Variants in CLDN10 observed in about 807,000 individuals in gnomAD.
The protein encoded by CLDN10 is claudin 10.
CLDN10 carries 15 observed loss-of-function variants against 22.9 expected under a neutral mutation model. The ratio of observed to expected loss-of-function variants is 0.65; its 90% confidence interval spans 0.44 to 1.01. The LOEUF is 1.01. Ranked by LOEUF, CLDN10 falls within the 50% of genes least tolerant of loss-of-function variation. The pLI is 0.00. For missense variants in CLDN10, 247 were observed against 287.8 expected (o/e 0.86, Z 1.03); for synonymous variants, 114 against 111.4 (o/e 1.02, Z -0.15).
chr13:95,558,746 C>T (rs1026643304), intron 1 of CLDN10, among the ~76,000 whole-genome samples: 3 of 152,028 alleles, frequency 2.0e-5, no homozygotes, highest in Non-Finnish European at 4.4e-5. Flanking sequence ...GGCATTACAG[C>T]GAGACACTGT....
At chr13:95,568,270 T>A (rs989009689) in intron 3 of CLDN10, among the ~76,000 whole-genome samples, 5 of 152,212 alleles carry the variant, frequency 3.3e-5, no homozygotes, top group Non-Finnish European at 5.9e-5. Flanking sequence ...AGAGTTCAAC[T>A]GTTAAATATT....
intron 1 of CLDN10, among the ~76,000 whole-genome samples, chr13:95,438,988 A>AC (rs1457387540): frequency 1.3e-5 from 2 of 151,628 alleles, no homozygotes; most frequent in Non-Finnish European, 2.9e-5. Flanking sequence ...AAAAAAAAAA[A>AC]AAAAAAAAAA....
At chr13:95,532,173 C>T (rs564118268) in intron 1 of CLDN10, among the ~76,000 whole-genome samples, 2 of 152,226 alleles carry the variant, frequency 1.3e-5, no homozygotes, top group Admixed American at 6.5e-5. Flanking sequence ...CATTAGACAT[C>T]ATCAACATTT....
chr13:95,506,485 C>T (rs1175837944), intron 1 of CLDN10, among the ~76,000 whole-genome samples: 1 of 152,208 alleles, frequency 6.6e-6, no homozygotes, highest in Non-Finnish European at 1.5e-5. Context: ...ATGCCCTCTA[C>T]TGCCTCTCTT....
chr13:95,579,159 T>G lies in CLDN10; in HGVS notation c.*1145T>G, dbSNP rs2043979931. On this transcript the variant is annotated 3_prime_UTR_variant, in exon 5 of 5. Coordinates refer to ENST00000299339, the MANE Select transcript of CLDN10 (RefSeq NM_006984.5). ...CTCAGGCATAAATGGGTTAAGGACA[T>G]CCCAAGCCCAAGTGGTACGTGCCTC... 1 of 152,076 alleles carries G rather than the reference T, an allele frequency of 6.6e-6. No individual in the cohort carries two copies. The highest frequency in any genetic ancestry group is 2.4e-5 in the African/African-American group (1 of 41,386). The allele number at this position is 152,076 out of a possible 1,614,324, so 9.4% of individuals were successfully genotyped here.
At chr13:95,434,426 CCTCTCT>C (rs56066236) in intron 1 of CLDN10, among the ~76,000 whole-genome samples, 5 of 147,592 alleles carry the variant, frequency 3.4e-5, no homozygotes, top group South Asian at 2.2e-4. Context: ...TCCCTCTCTT[CCTCTCT>C]CTCTCTCTCT....
At chr13:95,529,529 C>T (rs1282571451) in intron 1 of CLDN10, among the ~76,000 whole-genome samples, 2 of 152,150 alleles carry the variant, frequency 1.3e-5, no homozygotes, top group Non-Finnish European at 2.9e-5. Flanking sequence ...GAATTCTTAG[C>T]TTCTAGGTGA....
intron 1 of CLDN10, among the ~76,000 whole-genome samples, chr13:95,449,122 A>T (rs2042409063): frequency 6.6e-6 from 1 of 151,968 alleles, no homozygotes; most frequent in Non-Finnish European, 1.5e-5. Flanking sequence ...CTCCATAATG[A>T]TCCATTTCCC....
At chr13:95,439,469 G>C (rs2139062895) in intron 1 of CLDN10, among the ~76,000 whole-genome samples, 1 of 152,038 alleles carries the variant, frequency 6.6e-6, no homozygotes, top group East Asian at 1.9e-4. Context: ...AAGTAGCGGG[G>C]ACTACAGGCA....
chr13:95,573,579 G>A (rs1050476178), intron 3 of CLDN10, among the ~76,000 whole-genome samples: 1 of 152,174 alleles, frequency 6.6e-6, no homozygotes, highest in South Asian at 2.1e-4. Flanking sequence ...GACTAAATAA[G>A]TCTCCTAATC....
rs188998048 is a variant in CLDN10, at chr13:95,556,138, C to T, written c.220+3165C>T. Among the ~76,000 whole-genome samples, 587 of 152,112 alleles carry T rather than the reference C, an allele frequency of 3.9e-3. 3 individuals carry two copies. The highest frequency in any genetic ancestry group is 0.013 in the African/African-American group (554 of 41,506). ...TCTGCTCACTGCAACTTCCACCTCC[C>T]GGGTTCAAGCAATTCTCCTGCCTCA... On this transcript the variant is annotated intron_variant, in intron 1 of 4. Coordinates refer to ENST00000299339, the MANE Select transcript of CLDN10 (RefSeq NM_006984.5).
Position 95,560,251 on chromosome 13 carries a change from G to C in CLDN10, c.340G>C (p.Ala114Pro). ...AGTCGGAGGCTCCGATAAAGCCAAAGCTAAAATTGCTTGTTTGGCTGGGAT... is the reference window on the plus strand; with the variant it reads ...AGTCGGAGGCTCCGATAAAGCCAAACCTAAAATTGCTTGTTTGGCTGGGAT... ...TKVGGSDKAKAKIACLAGIVF... is the reference protein window; with the variant it reads ...TKVGGSDKAKPKIACLAGIVF... Residue 114 changes from alanine (A) to proline (P), a missense_variant, in exon 2 of 5, where the codon GCT (alanine) becomes CCT (proline). Transcript: ENST00000299339. 2 of 1,614,206 alleles carry C rather than the reference G, an allele frequency of 1.2e-6. No homozygotes were observed. The highest frequency in any genetic ancestry group is 1.3e-5 in the African/African-American group (1 of 75,064).
chr13:95,550,915 C>T (rs530914545), upstream of CLDN10, among the ~76,000 whole-genome samples: 8 of 150,254 alleles, frequency 5.3e-5, no homozygotes, highest in Admixed American at 1.3e-4. Context: ...CTTCATGATC[C>T]GCCCGCCTCG....
At chr13:95,532,498 C>T (rs545475055) in intron 1 of CLDN10, among the ~76,000 whole-genome samples, 6 of 152,104 alleles carry the variant, frequency 3.9e-5, no homozygotes, top group African/African-American at 1.4e-4. Context: ...TAACATCTAA[C>T]GTTGGCAAGA....
At chr13:95,457,173 A>G (rs1403311808) in intron 1 of CLDN10, among the ~76,000 whole-genome samples, 3 of 152,170 alleles carry the variant, frequency 2.0e-5, no homozygotes, top group African/African-American at 4.8e-5. Flanking sequence ...TAGCAGGACT[A>G]TGTCTTAACC....
In CLDN10 at chr13:95,579,727, A is replaced by AAGAT. The variant is rs1386423569; in HGVS notation, c.*1715_*1718dup. The AAGAT allele has an allele frequency of 6.6e-6, 1 of 152,248 alleles. No individual in the cohort carries two copies. The highest frequency in any genetic ancestry group is 2.4e-5 in the African/African-American group (1 of 41,474). The allele number at this position is 152,248 out of a possible 1,614,324, so 9.4% of individuals were successfully genotyped here. A position where few individuals can be genotyped will look rare whatever the true frequency, so the allele number is the denominator to read the frequency against. ...AAAAGGAAATGAACAAGTTTGTTAA[A>AAGAT]AGATAAAAAATAAAAAAAATTCCAT... On this transcript the variant is annotated 3_prime_UTR_variant, in exon 5 of 5. Coordinates refer to ENST00000299339, the MANE Select transcript of CLDN10 (RefSeq NM_006984.5).
Position 95,577,267 on chromosome 13 carries a change from A to G in CLDN10, c.501A>G (p.Ala167=), listed in dbSNP as rs1489227581. 5 of 1,614,074 alleles carry G rather than the reference A, an allele frequency of 3.1e-6. No individual in the cohort carries two copies. The highest frequency in any genetic ancestry group is 4.2e-6 in the Non-Finnish European group (5 of 1,180,010). The change falls in exon 4 of 5, where the codon GCA becomes GCG. Residue 167 remains alanine, a synonymous_variant. Transcript: ENST00000299339. The part of the protein sequence containing the change: ...ELGAALFIGW[A]GASLCIIGGV... Reference sequence around the variant, plus strand: ...GAGCCGCTCTGTTTATTGGATGGGCAGGAGCCTCACTGTGCATAATTGGTG... The same window carrying G: ...GAGCCGCTCTGTTTATTGGATGGGCGGGAGCCTCACTGTGCATAATTGGTG...
intron 1 of CLDN10, among the ~76,000 whole-genome samples, chr13:95,484,865 C>CAAAAA (rs746231195): frequency 7.5e-5 from 7 of 93,624 alleles, no homozygotes; most frequent in South Asian, 4.1e-4. Context: ...GACCCTGTCT[C>CAAAAA]AAAAAAAAAA....
intron 1 of CLDN10, among the ~76,000 whole-genome samples, chr13:95,477,950 C>A (rs1002577349): frequency 3.3e-5 from 5 of 152,152 alleles, no homozygotes; most frequent in Non-Finnish European, 7.4e-5. Flanking sequence ...GAAATGAGAT[C>A]TTTTGCCTAA....
Sources: gnomAD v4.1 joint callset for allele counts (sites outside exome capture counted in the v4.1 genomes callset) on GRCh38, gnomAD v4.1.1 for gene constraint, MANE v1.5 for transcripts, NCBI Gene and HGNC (gene_info 2026-07-23, HGNC 2026-07-21) for gene names.